The following ING5 variants were observed in gnomAD, a reference collection of about 807,000 sequenced individuals.
ING5 encodes the protein inhibitor of growth family member 5, also known as inhibitor of growth protein 5.
A neutral mutation model predicts 37.4 loss-of-function variants in ING5; 17 were observed. That is an observed-to-expected ratio of 0.45 (90% confidence interval 0.31 to 0.68). The LOEUF (loss-of-function observed/expected upper bound fraction) is 0.68. Among genes scored for constraint, ING5 ranks in the 30% least tolerant of loss-of-function variants. The probability of loss-of-function intolerance (pLI) is 0.05; values close to 1 mark genes in which losing one functional copy is unlikely to be tolerated. For synonymous variants in ING5, 123 were observed against 116.6 expected, an observed-to-expected ratio of 1.06 and a Z score of -0.36; for missense variants, 233 against 311.9, an observed-to-expected ratio of 0.75 and a Z score of 1.91.
chr2:241,722,143 G>A, intron 5 of ING5: 1 of 985,422 alleles, frequency 1.0e-6, no homozygotes, highest in Non-Finnish European at 1.2e-6. Context: ...GTTCTCTTGG[G>A]AGGAGGTCAC....
At chr2:241,721,613 C>CG (rs1181843822) in intron 5 of ING5, 1 of 985,332 alleles carries the variant, frequency 1.0e-6, no homozygotes, top group African/African-American at 1.7e-5. Context: ...CTGATCGTGA[C>CG]TGTTTTTCTC....
Position 241,687,549 on chromosome 2 carries a change from A to G in ING5, c.-1287A>G, listed in dbSNP as rs796952802. 17 of 364,166 alleles carry G rather than the reference A, an allele frequency of 4.7e-5. No homozygotes were observed. The South Asian group carries it at 1.4e-3, about 29-fold the overall frequency. The allele number at this position is 364,166 out of a possible 1,614,324, so 22.6% of individuals were successfully genotyped here. A position where few individuals can be genotyped will look rare whatever the true frequency, so the allele number is the denominator to read the frequency against. ...TTTTTGTTGTTTTTGTTTGTTTGAGACAGAGTCTCGCTCTGTCACCCAGGC... is the reference window on the plus strand; with the variant it reads ...TTTTTGTTGTTTTTGTTTGTTTGAGGCAGAGTCTCGCTCTGTCACCCAGGC... On this transcript the variant is annotated 5_prime_UTR_variant, in exon 1 of 8. Coordinates refer to the ING5 transcript ENST00000636051.
upstream of ING5, among the ~76,000 whole-genome samples, chr2:241,699,029 A>AT (rs201124227): frequency 3.1e-4 from 35 of 112,990 alleles, no homozygotes; most frequent in Middle Eastern, 6.8e-3. Flanking sequence ...CCCCAGCTGA[A>AT]TTTTTTTTTG....
intron 5 of ING5, chr2:241,720,271 A>G: frequency 8.1e-7 from 1 of 1,229,766 alleles, no homozygotes; most frequent in Non-Finnish European, 1.0e-6. Flanking sequence ...CCATCAGCAC[A>G]GTGGGTATTC....
chr2:241,687,220 C>T (rs2069449849), exon 1 of ING5: 2 of 396,738 alleles, frequency 5.0e-6, no homozygotes, highest in African/African-American at 2.1e-5. Context: ...GCCCGACTCT[C>T]AGGGCCCTGC....
At position 241,729,217 on chromosome 2, in the gene ING5, T is replaced by C. The variant is rs905010145; in HGVS notation, c.*4186T>C. On this transcript the variant is annotated 3_prime_UTR_variant, in exon 8 of 8. Transcript: ENST00000313552. ...AGAAAATGTTCCCATTCAGGAGAGATTGTGTTGGAGTTTCTTTCTTCCTCT... is the reference window on the plus strand; with the variant it reads ...AGAAAATGTTCCCATTCAGGAGAGACTGTGTTGGAGTTTCTTTCTTCCTCT... The C allele has an allele frequency of 6.6e-6, 1 of 152,632 alleles. No homozygotes were observed. The highest frequency in any genetic ancestry group is 1.5e-5 in the Non-Finnish European group (1 of 68,044). The allele number at this position is 152,632 out of a possible 1,614,324, so 9.5% of individuals were successfully genotyped here. A position where few individuals can be genotyped will look rare whatever the true frequency, so the allele number is the denominator to read the frequency against.
At chr2:241,702,404 C>T (rs2069768074) in intron 1 of ING5, among the ~76,000 whole-genome samples, 1 of 151,576 alleles carries the variant, frequency 6.6e-6, no homozygotes, top group Admixed American at 6.6e-5. Context: ...ATATTAGGTC[C>T]CGCCCCTACC....
At chr2:241,703,448 A>G (rs1289038442) in intron 1 of ING5, among the ~76,000 whole-genome samples, 1 of 152,082 alleles carries the variant, frequency 6.6e-6, no homozygotes, top group Non-Finnish European at 1.5e-5. Context: ...CGAAAGCAGC[A>G]CGGGGGTCCT....
At chr2:241,701,949 G>T, upstream of ING5, 1 of 529,806 alleles carries the variant, frequency 1.9e-6, no homozygotes, top group Non-Finnish European at 2.8e-6. Context: ...CCCCGCCCCC[G>T]GGCGCGACCA....
chr2:241,700,836 G>A (rs1002861208), upstream of ING5, among the ~76,000 whole-genome samples: 1 of 151,734 alleles, frequency 6.6e-6, no homozygotes, highest in Non-Finnish European at 1.5e-5. Flanking sequence ...ACGTTGGCCA[G>A]GCTGGTCTCA....
intron 7 of ING5, among the ~76,000 whole-genome samples, chr2:241,724,283 C>A (rs966761883): frequency 1.3e-5 from 2 of 152,206 alleles, no homozygotes; most frequent in Non-Finnish European, 2.9e-5. Flanking sequence ...ACAGGCTGTC[C>A]TGTCACAGGG....
In ING5 at chr2:241,704,623, G is replaced by A. The variant is rs202247450; in HGVS notation, c.38-30G>A. The A allele has an allele frequency of 1.4e-4, 230 of 1,593,510 alleles. No individual in the cohort carries two copies. The African/African-American group carries it at 2.7e-3, about 19-fold the overall frequency. On this transcript the variant is annotated intron_variant, in intron 1 of 7. Coordinates refer to ENST00000313552, the MANE Select transcript of ING5 (RefSeq NM_032329.6). ...TGAATTTTTGTCTTGCTGCTGAGAG[G>A]TACATGGCTTCTGTGTTTTTGCGTT...
rs1691727446 is a variant in ING5, at chr2:241,729,095, T to C, written c.*4064T>C. On this transcript the variant is annotated 3_prime_UTR_variant, in exon 8 of 8. Transcript: ENST00000313552. ...GTAAAACCGTGAGGGATGTTAATTA[T>C]GGGCATTGAAGACTTAAGGTTTTCT... 6.6e-6 allele frequency: 1 copy of C among 152,408 alleles called. No individual in the cohort carries two copies. Among genetic ancestry groups the C allele is most frequent in the African/African-American group, 2.4e-5 (1 of 41,464 alleles). The allele number at this position is 152,408 out of a possible 1,614,324, so 9.4% of individuals were successfully genotyped here.
chr2:241,704,933 A>C (rs1290331978), intron 2 of ING5, among the ~76,000 whole-genome samples: 1 of 152,186 alleles, frequency 6.6e-6, no homozygotes, highest in Non-Finnish European at 1.5e-5. Context: ...ACATCTTTAT[A>C]TCATGTTTTT....
At chr2:241,711,861 G>A (rs1309926303) in intron 4 of ING5, 117 bp from the exon 5 acceptor site, 27 of 912,214 alleles carry the variant, frequency 3.0e-5, no homozygotes, top group South Asian at 1.2e-4. Flanking sequence ...TGATTGCTCC[G>A]CTGCACTCCA....
intron 2 of ING5, among the ~76,000 whole-genome samples, chr2:241,708,453 C>T (rs755489686): frequency 2.7e-5 from 4 of 147,340 alleles, no homozygotes; most frequent in African/African-American, 5.0e-5. Context: ...GTGATCTGCC[C>T]GCCTCGGCCT....
rs2069533548 is a variant in ING5 at position 241,690,476 on chromosome 2, G to A, written c.-135G>A. ...TGGTGTTCCTGCGTGATCAAAGGAT[G>A]ACTGCCACACCCCAGCCTGCTGACC... On this transcript the variant is annotated 5_prime_UTR_variant, in exon 2 of 8. Transcript: ENST00000636051. 8 of 395,730 alleles carry A rather than the reference G, an allele frequency of 2.0e-5. No individual in the cohort carries two copies. The East Asian group carries it at 2.1e-4, about 11-fold the overall frequency. 24.5% of individuals were successfully genotyped at this position (395,730 alleles called of 1,614,324 possible).
intron 7 of ING5, chr2:241,724,587 G>A: frequency 4.3e-6 from 1 of 235,084 alleles, no homozygotes; most frequent in Non-Finnish European, 8.4e-6. Flanking sequence ...CAGGGCCAGT[G>A]CAGGGTGCCT....
At chr2:241,705,360 G>T (rs1358957236) in intron 2 of ING5, among the ~76,000 whole-genome samples, 1 of 150,208 alleles carries the variant, frequency 6.7e-6, no homozygotes, top group African/African-American at 2.5e-5. Flanking sequence ...TTACAAGCGT[G>T]AGCCACCTCG....
Sources: allele counts gnomAD v4.1 joint callset (sites outside exome capture counted in the v4.1 genomes callset), GRCh38; gene constraint gnomAD v4.1.1; transcripts MANE v1.5; gene names NCBI Gene and HGNC (gene_info 2026-07-23, HGNC 2026-07-21).